PRRC1: variants seen among roughly 807,000 people sequenced by gnomAD.
PRRC1 encodes the protein proline rich coiled-coil 1.
In PRRC1, 39 loss-of-function variants were observed where a neutral mutation model predicts 40.7. The ratio of observed to expected loss-of-function variants is 0.96; its 90% CI spans 0.74 to 1.25. The LOEUF is 1.25. PRRC1 is among the 50% of genes most tolerant of loss of function. PRRC1 has a pLI of 0.00. For synonymous variants in PRRC1, 175 were observed against 193.3 expected (o/e 0.91, Z 0.79); for missense variants, 573 against 548.3 (o/e 1.05, Z -0.45).
At chr5:127,521,671 T>A (rs1455069451) in intron 1 of PRRC1, among the ~76,000 whole-genome samples, 1 of 152,228 alleles carries the variant, frequency 6.6e-6, no homozygotes, top group African/African-American at 2.4e-5. Context: ...AACCCAAGTT[T>A]TTTAACCTGG....
intron 7 of PRRC1, among the ~76,000 whole-genome samples, chr5:127,545,905 G>A (rs1034553847): frequency 1.4e-5 from 2 of 142,976 alleles, no homozygotes; most frequent in Non-Finnish European, 3.1e-5. Flanking sequence ...AGAATGGTAT[G>A]ATTATATGTA....
At position 127,524,888 on chromosome 5, in the gene PRRC1, T is replaced by C. The variant is rs774579380; in HGVS notation, c.461T>C (p.Leu154Pro). 4 of 1,609,436 alleles carry C rather than the reference T, an allele frequency of 2.5e-6. No homozygotes were observed. In the East Asian group the frequency reaches 6.7e-5, roughly 27 times the overall value. ...GHAGRAPQTP[L>P]MPSFSAPSGT... is the part of the protein sequence containing the mutation. Reference sequence around the variant, plus strand: ...GCTGGGAGAGCTCCCCAGACACCCCTGATGCCATCATTTTCTGCACCTTCA... The same window carrying C: ...GCTGGGAGAGCTCCCCAGACACCCCCGATGCCATCATTTTCTGCACCTTCA... Residue 154 changes from leucine (L) to proline (P), a missense_variant, in exon 3 of 9, where the codon CTG (leucine) becomes CCG (proline). Physicochemically the swap from Leu to Pro is moderately conservative, Grantham distance 98. Transcript: ENST00000296666.
chr5:127,523,338 A>G (rs767353816), intron 1 of PRRC1, 122 bp from the exon 2 acceptor site: 45 of 489,424 alleles, frequency 9.2e-5, no homozygotes, highest in Non-Finnish European at 1.4e-4. Flanking sequence ...AAGTTGCATT[A>G]TAAACAGTAA....
rs1205001841 is a variant in PRRC1 at position 127,554,502 on chromosome 5, A to C, written c.*2586A>C. The C allele has an allele frequency of 7.4e-6, 1 of 135,728 alleles. No homozygotes were observed. Among genetic ancestry groups the C allele is most frequent in the East Asian group, 2.8e-4 (1 of 3,614 alleles). 8.4% of individuals were successfully genotyped at this position (135,728 alleles called of 1,614,324 possible). A position where few individuals can be genotyped will look rare whatever the true frequency, so the allele number is the denominator to read the frequency against. On this transcript the variant is annotated 3_prime_UTR_variant, in exon 9 of 9. Transcript: ENST00000296666. ...GGAAACAAAGAATGCAGGAAAAATA[A>C]TTTAATATCAACCTCAGTTGACAAG...
intron 6 of PRRC1, among the ~76,000 whole-genome samples, chr5:127,534,482 A>G (rs552097365): frequency 6.8e-4 from 103 of 152,312 alleles, no homozygotes; most frequent in African/African-American, 2.5e-3. Context: ...GGCTCGTGCT[A>G]ATGTTCTCCA....
chr5:127,518,056 C>G (rs545872758), intron 1 of PRRC1: 1 of 152,568 alleles, frequency 6.6e-6, no homozygotes, highest in East Asian at 1.9e-4. Flanking sequence ...TCTCGCCCCG[C>G]GACACTTTGC....
At chr5:127,544,716 T>G (rs969238487) in intron 7 of PRRC1, among the ~76,000 whole-genome samples, 13 of 152,178 alleles carry the variant, frequency 8.5e-5, no homozygotes, top group Admixed American at 2.0e-4. Flanking sequence ...GGTGCGCTGT[T>G]TTTTAAGCCT....
intron 5 of PRRC1, among the ~76,000 whole-genome samples, chr5:127,533,068 T>G (rs1413913635): frequency 6.6e-6 from 1 of 152,146 alleles, no homozygotes; most frequent in African/African-American, 2.4e-5. Context: ...ATTTTAAGTT[T>G]TATGTGTTAT....
At position 127,524,513 on chromosome 5, in the gene PRRC1, C is replaced by A. The variant is rs776289519; in HGVS notation, c.104-18C>A. The A allele has an allele frequency of 1.0e-5, 16 of 1,578,108 alleles. No homozygotes were observed. The highest frequency in any genetic ancestry group is 1.4e-5 in the Non-Finnish European group (16 of 1,160,118). On this transcript the variant is annotated intron_variant, in intron 2 of 8. Coordinates refer to ENST00000296666, the MANE Select transcript of PRRC1 (RefSeq NM_130809.5). ...ACATTTCTAATTCTGTGCTTTTATCCTCTCCACTTTTTTCTAGCGGCAACC... is the reference window on the plus strand; with the variant it reads ...ACATTTCTAATTCTGTGCTTTTATCATCTCCACTTTTTTCTAGCGGCAACC...
intron 7 of PRRC1, among the ~76,000 whole-genome samples, chr5:127,540,228 A>AT (rs796980060): frequency 1.8e-4 from 28 of 151,466 alleles, no homozygotes; most frequent in Middle Eastern, 3.4e-3. Flanking sequence ...TTGTTGTGTC[A>AT]TTTTTTTTTA....
intron 8 of PRRC1, chr5:127,548,839 T>G (rs1414628367): frequency 2.0e-5 from 3 of 152,140 alleles, no homozygotes; most frequent in Admixed American, 2.0e-4. Flanking sequence ...GAAATTTTAC[T>G]GAAACTTTTA....
intron 1 of PRRC1, among the ~76,000 whole-genome samples, chr5:127,522,029 A>G (rs1266965210): frequency 1.3e-5 from 2 of 152,186 alleles, no homozygotes; most frequent in African/African-American, 4.8e-5. Flanking sequence ...TTCGTGTACT[A>G]GACTGTAAGT....
intron 5 of PRRC1, among the ~76,000 whole-genome samples, chr5:127,531,737 C>T (rs1234586895): frequency 7.0e-6 from 1 of 143,872 alleles, no homozygotes; most frequent in Non-Finnish European, 1.5e-5. Flanking sequence ...ATTCTTATGT[C>T]TCAGTCTTCT....
chr5:127,540,890 G>C (rs2127108395), intron 7 of PRRC1, among the ~76,000 whole-genome samples: 1 of 151,998 alleles, frequency 6.6e-6, no homozygotes. Flanking sequence ...CCATTTTGTA[G>C]GTTGCCTGTT....
At chr5:127,525,251 C>T (rs541786973) in intron 3 of PRRC1, among the ~76,000 whole-genome samples, 10 of 152,276 alleles carry the variant, frequency 6.6e-5, no homozygotes, top group Non-Finnish European at 2.9e-5. Flanking sequence ...TCATATAATA[C>T]GTGGTCTTTT....
chr5:127,551,645 T>C (rs1580956235), intron 8 of PRRC1, 62 bp from the exon 9 acceptor site: 6 of 1,499,806 alleles, frequency 4.0e-6, no homozygotes, highest in South Asian at 3.5e-5. Context: ...ATGTCACTTA[T>C]AGCTAGTTCC....
intron 7 of PRRC1, among the ~76,000 whole-genome samples, chr5:127,545,365 T>G (rs981358841): frequency 9.2e-5 from 14 of 152,118 alleles, no homozygotes; most frequent in Non-Finnish European, 1.8e-4. Context: ...CTATTCCCAA[T>G]AGCAAAGACT....
intron 6 of PRRC1, among the ~76,000 whole-genome samples, chr5:127,535,835 A>T (rs989056156): frequency 6.6e-6 from 1 of 152,150 alleles, no homozygotes; most frequent in African/African-American, 2.4e-5. Flanking sequence ...TAGTCACTAA[A>T]CACAAACCCA....
intron 1 of PRRC1, among the ~76,000 whole-genome samples, chr5:127,519,418 C>T (rs1767400989): frequency 6.6e-6 from 1 of 152,230 alleles, no homozygotes; most frequent in Non-Finnish European, 1.5e-5. Flanking sequence ...ATTCAGTTTA[C>T]ACTGGAATCT....
Sources: gnomAD v4.1 joint callset for allele counts (sites outside exome capture counted in the v4.1 genomes callset) on GRCh38, gnomAD v4.1.1 for gene constraint, MANE v1.5 for transcripts, NCBI Gene and HGNC (gene_info 2026-07-23, HGNC 2026-07-21) for gene names.